The following PICALM variants were observed in gnomAD, a reference collection of about 807,000 sequenced individuals.
The protein encoded by PICALM is phosphatidylinositol-binding clathrin assembly protein.
PICALM carries 40 observed loss-of-function variants against 80.5 expected under a neutral mutation model. The ratio of observed to expected loss-of-function variants is 0.50; its 90% CI spans 0.39 to 0.65. PICALM has a LOEUF of 0.65. PICALM is among the 30% of genes least tolerant of loss of function. The pLI is 0.00. For missense variants in PICALM, 676 were observed against 778.9 expected, an observed-to-expected ratio of 0.87 and a Z score of 1.57; for synonymous variants, 288 against 260.3, an observed-to-expected ratio of 1.11 and a Z score of -1.02.
Position 85,959,633 on chromosome 11 carries a change from C to CAAAAAAAAAAAAAAA in PICALM, c.1945-588_1945-574dup, listed in dbSNP as rs1161064257. Among the ~76,000 whole-genome samples, 2 of 45,200 alleles carry CAAAAAAAAAAAAAAA rather than the reference C, an allele frequency of 4.4e-5. 1 individual carries two copies. The highest frequency in any genetic ancestry group is 2.0e-4 in the African/African-American group (2 of 10,200). The allele number at this position is 45,200 out of a possible 152,430, so 29.7% of individuals were successfully genotyped here. A position where few individuals can be genotyped will look rare whatever the true frequency, so the allele number is the denominator to read the frequency against. ...GGGAGACAAGAGCGAAACTCCATCT[C>CAAAAAAAAAAAAAAA]AAAAAAAAAAAAAAAAAAAAAAAGC... On this transcript the variant is annotated intron_variant, in intron 19 of 19. Transcript: ENST00000393346.
chr11:86,041,129 T>C (rs146817677), intron 1 of PICALM, among the ~76,000 whole-genome samples: 2 of 152,328 alleles, frequency 1.3e-5, no homozygotes, highest in Admixed American at 6.5e-5. Flanking sequence ...GTCTCTCCTA[T>C]GAGAGAGCTC....
chr11:85,998,614 G>T (rs1261288602), intron 11 of PICALM, among the ~76,000 whole-genome samples: 2 of 151,738 alleles, frequency 1.3e-5, no homozygotes, highest in Admixed American at 6.6e-5. Flanking sequence ...GCAAAATGGC[G>T]AAAAAATACG....
intron 1 of PICALM, among the ~76,000 whole-genome samples, chr11:86,034,580 A>T (rs779907216): frequency 1.2e-4 from 18 of 152,168 alleles, no homozygotes; most frequent in Admixed American, 3.3e-4. Context: ...TTTTCTTTTC[A>T]TTATTTATCT....
intron 1 of PICALM, among the ~76,000 whole-genome samples, chr11:86,040,693 G>A (rs1327809672): frequency 2.0e-5 from 3 of 152,076 alleles, no homozygotes; most frequent in Non-Finnish European, 4.4e-5. Flanking sequence ...CTTACATTCA[G>A]GTACAAACAG....
At chr11:85,960,903 G>C (rs1369099502) in intron 19 of PICALM, 42 of 315,510 alleles carry the variant, frequency 1.3e-4, no homozygotes, top group East Asian at 8.5e-5. Context: ...TATAAGGGCA[G>C]TCTTTGTAGA....
At chr11:86,004,791 C>T (rs184406656) in intron 8 of PICALM, among the ~76,000 whole-genome samples, 305 of 152,250 alleles carry the variant, frequency 2.0e-3, no homozygotes, top group African/African-American at 7.0e-3. Flanking sequence ...ATCCACTATT[C>T]CCTCTATATA....
intron 19 of PICALM, among the ~76,000 whole-genome samples, chr11:85,962,498 AC>A (rs1320530428): frequency 6.6e-6 from 1 of 152,194 alleles, no homozygotes; most frequent in Non-Finnish European, 1.5e-5. Flanking sequence ...GACCTGACAG[AC>A]CCACAGTAAA....
chr11:86,037,345 T>C (rs1306573219), intron 1 of PICALM, among the ~76,000 whole-genome samples: 3 of 143,796 alleles, frequency 2.1e-5, no homozygotes, highest in Admixed American at 1.4e-4. Context: ...CTGCCACCTT[T>C]GCCACCCAGG....
rs775654576 is a variant in PICALM at position 86,000,768 on chromosome 11, T to C, written c.1029A>G (p.Leu343=). Residue 343 remains leucine (L), a synonymous_variant, in exon 11 of 20, where the codon CTA becomes CTG. Transcript: ENST00000393346. The part of the protein sequence containing the change: ...ARLKALKEQR[L]KELAKKPHTS... ...TATGAGGTTTCTTTGCAAGTTCTTT[T>C]AGGCGCTGTTCCTGTTAAGAAAGGG... 2 of 1,613,052 alleles carry C rather than the reference T, an allele frequency of 1.2e-6. No homozygotes were observed. Among genetic ancestry groups the C allele is most frequent in the Non-Finnish European group, 1.7e-6 (2 of 1,179,898 alleles).
intron 1 of PICALM, among the ~76,000 whole-genome samples, chr11:86,033,972 A>C (rs780602855): frequency 6.6e-6 from 1 of 152,224 alleles, no homozygotes; most frequent in Non-Finnish European, 1.5e-5. Context: ...TACATGTGCA[A>C]ATTTTCAAAT....
intron 1 of PICALM, among the ~76,000 whole-genome samples, chr11:86,062,725 C>T (rs1218279388): frequency 6.6e-6 from 1 of 152,116 alleles, no homozygotes; most frequent in Non-Finnish European, 1.5e-5. Context: ...TTAGGTTCAT[C>T]AAGATTCTCT....
chr11:85,965,333 G>A (rs1038535865), intron 19 of PICALM, among the ~76,000 whole-genome samples: 4 of 152,102 alleles, frequency 2.6e-5, no homozygotes, highest in African/African-American at 9.7e-5. Context: ...CCCAGTCTAT[G>A]GTATTCTGTT....
At position 86,000,795 on chromosome 11, in the gene PICALM, A is replaced by G. The variant is rs537041327; in HGVS notation, c.1018-16T>C. 49 of 1,610,870 alleles carry G rather than the reference A, an allele frequency of 3.0e-5. No homozygotes were observed. The Middle Eastern group carries it at 5.8e-4, about 19-fold the overall frequency. On this transcript the variant is annotated splice_polypyrimidine_tract_variant and intron_variant, in intron 10 of 19. Coordinates refer to ENST00000393346, the MANE Select transcript of PICALM (RefSeq NM_007166.4). ...GGCGCTGTTCCTGTTAAGAAAGGGA[A>G]CTACCATAAGGATTCCAGAAACCAG...
In PICALM at chr11:85,958,900, G is replaced by GGCC; in HGVS notation, c.*143_*145dup. 1.8e-6 allele frequency: 1 copy of GGCC among 568,756 alleles called. No homozygotes were observed. The highest frequency in any genetic ancestry group is 3.0e-5 in the Admixed American group (1 of 32,918). 35.2% of individuals were successfully genotyped at this position (568,756 alleles called of 1,614,324 possible). ...TAAACTAGTCCCAATTTCCTTCATG[G>GGCC]GCCTTCACTGAGTTACTTGTAGCAT... On this transcript the variant is annotated 3_prime_UTR_variant, in exon 20 of 20. Transcript: ENST00000393346.
At chr11:86,045,518 T>TC (rs1555135100) in intron 1 of PICALM, among the ~76,000 whole-genome samples, 1 of 22,960 alleles carries the variant, frequency 4.4e-5, no homozygotes, top group Non-Finnish European at 8.8e-5. Context: ...GTCTTGAAAT[T>TC]CAAAAAAAAA....
chr11:85,963,791 C>G (rs2093774819), intron 19 of PICALM, among the ~76,000 whole-genome samples: 1 of 152,050 alleles, frequency 6.6e-6, no homozygotes, highest in South Asian at 2.1e-4. Flanking sequence ...GTGTCTTGTT[C>G]TGTCACCCAG....
Position 85,984,719 on chromosome 11 carries a change from T to G in PICALM, c.1409-746A>C, listed in dbSNP as rs2135772970. Reference sequence around the variant, plus strand: ...TTAACAGACCTTATTCTTTCTTGCCTGCGTTACACTAATGCTAGTGGTATT... The same window carrying G: ...TTAACAGACCTTATTCTTTCTTGCCGGCGTTACACTAATGCTAGTGGTATT... On this transcript the variant is annotated intron_variant, in intron 13 of 19. Transcript: ENST00000393346. Among the ~76,000 whole-genome samples, 2 of 152,326 alleles carry G rather than the reference T, an allele frequency of 1.3e-5. 1 individual carries two copies. The highest frequency in any genetic ancestry group is 6.8e-3 in the Middle Eastern group (2 of 294).
At chr11:85,992,292 T>C (rs2094807060) in intron 12 of PICALM, among the ~76,000 whole-genome samples, 1 of 151,772 alleles carries the variant, frequency 6.6e-6, no homozygotes, top group Non-Finnish European at 1.5e-5. Flanking sequence ...TTGTTTTTTT[T>C]TTTTTTGAGA....
chr11:86,037,506 C>T (rs1468656443), intron 1 of PICALM, among the ~76,000 whole-genome samples: 3 of 151,294 alleles, frequency 2.0e-5, no homozygotes, highest in Non-Finnish European at 4.4e-5. Flanking sequence ...GATCCACCTG[C>T]CTCGGCCTCC....
Sources: allele counts gnomAD v4.1 joint callset (sites outside exome capture counted in the v4.1 genomes callset), GRCh38; gene constraint gnomAD v4.1.1; transcripts MANE v1.5; gene names NCBI Gene and HGNC (gene_info 2026-07-23, HGNC 2026-07-21).